The following ADI1 variants were observed in gnomAD, a reference collection of about 807,000 sequenced individuals.
The protein encoded by ADI1 is acireductone dioxygenase 1.
Under a neutral mutation model 18.7 loss-of-function variants are expected in ADI1, and 21 were observed. The ratio of observed to expected loss-of-function variants is 1.13; its 90% CI spans 0.80 to 1.62. The LOEUF (loss-of-function observed/expected upper bound fraction) is 1.62. Among genes scored for constraint, ADI1 ranks in the 40% most tolerant of loss-of-function variants. The probability of loss-of-function intolerance (pLI) is 0.00; values close to 1 mark genes in which losing one functional copy is unlikely to be tolerated. For synonymous variants in ADI1, 90 were observed against 100.1 expected (o/e 0.90, Z 0.60); for missense variants, 245 against 254.9 (o/e 0.96, Z 0.26).
At chr2:3,500,135 A>AT (rs921141348) in intron 3 of ADI1, among the ~76,000 whole-genome samples, 1 of 151,900 alleles carries the variant, frequency 6.6e-6, no homozygotes, top group Admixed American at 6.6e-5. Context: ...TCTAAAAATA[A>AT]TTTTTTTAGT....
intron 2 of ADI1, among the ~76,000 whole-genome samples, chr2:3,508,184 A>C (rs1667215802): frequency 6.6e-6 from 1 of 151,864 alleles, no homozygotes; most frequent in South Asian, 2.1e-4. Flanking sequence ...AATACGAAAA[A>C]ATTAGCTGGG....
chr2:3,502,730 G>A (rs1366279690), intron 2 of ADI1, among the ~76,000 whole-genome samples: 2 of 152,192 alleles, frequency 1.3e-5, no homozygotes, highest in East Asian at 1.9e-4. Flanking sequence ...GATTACAGGC[G>A]TGAGCCACCG....
intron 1 of ADI1, 164 bp downstream of exon 1, chr2:3,519,204 C>G (rs116878768): frequency 0.012 from 12,828 of 1,096,432 alleles, 205 homozygotes; most frequent in South Asian, 0.067. Context: ...CGCAGCCCAC[C>G]CCAGGCACCG....
intron 2 of ADI1, among the ~76,000 whole-genome samples, chr2:3,505,878 T>C (rs1396813027): frequency 6.6e-6 from 1 of 152,218 alleles, no homozygotes; most frequent in East Asian, 1.9e-4. Flanking sequence ...CCAAAAGAGC[T>C]TGCTTCTTCT....
chr2:3,501,646 G>T (rs11691358), intron 2 of ADI1, among the ~76,000 whole-genome samples: 74,451 of 151,788 alleles, frequency 0.49, 21,546 homozygotes, highest in African/African-American at 0.82. Context: ...CGATTCTCGT[G>T]CCTCCCAAGT....
chr2:3,515,295 A>C (rs1331088112), intron 1 of ADI1: 2 of 156,422 alleles, frequency 1.3e-5, no homozygotes, highest in African/African-American at 4.8e-5. Context: ...TTCTGGGGGG[A>C]GGTCTATAAA....
intron 2 of ADI1, among the ~76,000 whole-genome samples, chr2:3,513,017 T>G (rs1298974984): frequency 1.3e-5 from 2 of 152,254 alleles, no homozygotes; most frequent in African/African-American, 4.8e-5. Flanking sequence ...GGTATTATTT[T>G]GGAGCTTTAA....
At chr2:3,503,944 C>G (rs1164699978) in intron 2 of ADI1, among the ~76,000 whole-genome samples, 1 of 152,162 alleles carries the variant, frequency 6.6e-6, no homozygotes, top group African/African-American at 2.4e-5. Context: ...GAAAACCAAC[C>G]CCCGGGTGAG....
intron 1 of ADI1, chr2:3,516,837 CAT>C (rs1038618037): frequency 4.7e-5 from 46 of 985,372 alleles, no homozygotes; most frequent in East Asian, 3.4e-4. Context: ...AACATGTCCA[CAT>C]GTGTTACCTC....
Position 3,499,102 on chromosome 2 carries a change from A to G in ADI1, c.421-20T>C, listed in dbSNP as rs1423233423. 6.2e-7 allele frequency: 1 copy of G among 1,609,318 alleles called. No individual in the cohort carries two copies. Among genetic ancestry groups the G allele is most frequent in the Middle Eastern group, 1.7e-4 (1 of 6,054 alleles). ...GTAGTTCTGGAAAACAGACAAACACACCCAGCATCTCATTAAACCAGCCGG... is the reference window on the plus strand; with the variant it reads ...GTAGTTCTGGAAAACAGACAAACACGCCCAGCATCTCATTAAACCAGCCGG... On this transcript the variant is annotated intron_variant, in intron 3 of 3. Transcript: ENST00000327435.
chr2:3,510,354 CAAAG>C (rs1456293143), intron 2 of ADI1, among the ~76,000 whole-genome samples: 2 of 151,774 alleles, frequency 1.3e-5, no homozygotes, highest in African/African-American at 2.4e-5. Flanking sequence ...ATAATAATGA[CAAAG>C]AAAGAACTCA....
chr2:3,518,822 C>T (rs913358883), intron 1 of ADI1, among the ~76,000 whole-genome samples: 1 of 152,244 alleles, frequency 6.6e-6, no homozygotes, highest in African/African-American at 2.4e-5. Flanking sequence ...AACTCGCAGC[C>T]CGCCTCCGGC....
chr2:3,512,431 C>G (rs1667310047), intron 2 of ADI1, among the ~76,000 whole-genome samples: 1 of 152,220 alleles, frequency 6.6e-6, no homozygotes, highest in African/African-American at 2.4e-5. Flanking sequence ...AGGCCCAGAG[C>G]CCCTCTGCCC....
chr2:3,505,732 C>G (rs77685453), intron 2 of ADI1, among the ~76,000 whole-genome samples: 9,493 of 152,234 alleles, frequency 0.062, 438 homozygotes, highest in Middle Eastern at 0.16. Flanking sequence ...GATCCCCCTC[C>G]CCCGGGTCCA....
chr2:3,507,195 C>G (rs1324124118), intron 2 of ADI1, among the ~76,000 whole-genome samples: 1 of 151,932 alleles, frequency 6.6e-6, no homozygotes. Context: ...AACTGTGGAA[C>G]AATTATAAAA....
chr2:3,503,779 G>C (rs756186442), intron 2 of ADI1, among the ~76,000 whole-genome samples: 2 of 152,184 alleles, frequency 1.3e-5, no homozygotes, highest in African/African-American at 2.4e-5. Flanking sequence ...CAGCTAACGA[G>C]GCTGCTGCTT....
At chr2:3,502,064 T>G (rs1558424934) in intron 2 of ADI1, among the ~76,000 whole-genome samples, 1 of 151,030 alleles carries the variant, frequency 6.6e-6, no homozygotes, top group Non-Finnish European at 1.5e-5. Flanking sequence ...TTCACTCTGT[T>G]GCTCAGGCTG....
chr2:3,507,897 A>G (rs986418950), intron 2 of ADI1, among the ~76,000 whole-genome samples: 1 of 152,166 alleles, frequency 6.6e-6, no homozygotes, highest in East Asian at 1.9e-4. Context: ...AATTGGGAAC[A>G]CTCAGTTATT....
intron 3 of ADI1, chr2:3,500,497 G>A: frequency 4.1e-6 from 2 of 489,706 alleles, no homozygotes; most frequent in South Asian, 2.6e-5. Context: ...GCAAGGGCTG[G>A]GGCAGGGCCA....
Sources: allele counts gnomAD v4.1 joint callset (sites outside exome capture counted in the v4.1 genomes callset), GRCh38; gene constraint gnomAD v4.1.1; transcripts MANE v1.5; gene names NCBI Gene and HGNC (gene_info 2026-07-23, HGNC 2026-07-21).